Variants in PCDHGB1 observed in about 807,000 individuals in gnomAD.
PCDHGB1 encodes the protein protocadherin gamma-B1.
A neutral mutation model predicts 56.6 loss-of-function variants in PCDHGB1; 34 were observed. That is an observed-to-expected ratio of 0.60 (90% confidence interval 0.46 to 0.80). The LOEUF is 0.80. Among genes scored for constraint, PCDHGB1 ranks in the 30% least tolerant of loss-of-function variants. The probability of loss-of-function intolerance (pLI) is 0.00; values close to 1 mark genes in which losing one functional copy is unlikely to be tolerated. For missense variants in PCDHGB1, 1,278 were observed against 1,204.6 expected (o/e 1.06, Z -0.90); for synonymous variants, 561 against 505.9 (o/e 1.11, Z -1.46).
At chr5:141,404,097 T>C in intron 1 of PCDHGB1, 1 of 1,613,584 alleles carries the variant, frequency 6.2e-7, no homozygotes, top group Non-Finnish European at 8.5e-7. Flanking sequence ...AATGGTCAAG[T>C]TGTCTGTTCT....
At chr5:141,374,158 G>T in intron 1 of PCDHGB1, 1 of 1,612,410 alleles carries the variant, frequency 6.2e-7, no homozygotes, top group Non-Finnish European at 8.5e-7. Flanking sequence ...CGCTGTGGGG[G>T]GCCGCGGCAG....
chr5:141,472,533 C>A (rs1200612581), intron 1 of PCDHGB1, among the ~76,000 whole-genome samples: 3 of 150,970 alleles, frequency 2.0e-5, no homozygotes, highest in African/African-American at 7.3e-5. Flanking sequence ...GAGTGAGACA[C>A]CATCTCAAGA....
Position 141,418,052 on chromosome 5 carries a change from G to A in PCDHGB1, c.2409+65383G>A, listed in dbSNP as rs202112422. 1.2e-3 allele frequency: 1,918 copies of A among 1,613,866 alleles called. 6 individuals are homozygous for A. Among genetic ancestry groups the A allele is most frequent in the East Asian group, 2.1e-3 (96 of 44,758 alleles). On this transcript the variant is annotated intron_variant, in intron 1 of 3. Coordinates refer to ENST00000523390, the MANE Select transcript of PCDHGB1 (RefSeq NM_018922.3). ...TAGTGTCCTGGATGTGTCGGCTCGC[G>A]AGCTGCGAGTGAGCGCGGAGAAGCT...
chr5:141,476,733 G>C lies in PCDHGB1; in HGVS notation c.2410-18074G>C, dbSNP rs373439335. On this transcript the variant is annotated intron_variant, in intron 1 of 3. Transcript: ENST00000523390. This position sits in a 1 kb window ranked among gnomAD's most constrained non-coding sequence, Gnocchi z 7.6. ...TTGGAGCGCGCCCTGGACCGAGAAC[G>C]GGAGCCTAGTCTCCAGTTAGTGCTG... 6.2e-6 allele frequency: 10 copies of C among 1,614,062 alleles called. No individual in the cohort carries two copies. The highest frequency in any genetic ancestry group is 2.2e-5 in the East Asian group (1 of 44,870).
chr5:141,398,890 G>A (rs763743728), intron 1 of PCDHGB1: 1 of 1,613,920 alleles, frequency 6.2e-7, no homozygotes, highest in East Asian at 2.2e-5. Context: ...TCGGGAAAAC[G>A]TGCCACCAGG....
chr5:141,450,489 CTGTT>C (rs1372781820), intron 1 of PCDHGB1, among the ~76,000 whole-genome samples: 4 of 150,280 alleles, frequency 2.7e-5, no homozygotes, highest in Non-Finnish European at 2.9e-5. Context: ...GTTTGTTTGT[CTGTT>C]TGTTTGTTTT....
intron 1 of PCDHGB1, chr5:141,356,634 C>A (rs750676193): frequency 4.3e-6 from 7 of 1,614,158 alleles, no homozygotes; most frequent in Non-Finnish European, 5.9e-6. Context: ...CTGCTCAAGA[C>A]CCTGACAGTG....
chr5:141,375,470 G>A (rs1771485342), intron 1 of PCDHGB1: 1 of 1,613,784 alleles, frequency 6.2e-7, no homozygotes, highest in Admixed American at 1.7e-5. Flanking sequence ...CTATGTCCTT[G>A]AAAACAACCC....
chr5:141,478,315 A>G, intron 1 of PCDHGB1: 1 of 1,613,998 alleles, frequency 6.2e-7, no homozygotes, highest in Non-Finnish European at 8.5e-7. Flanking sequence ...CGGTGAGCTC[A>G]CTGTACCGAA....
Position 141,486,785 on chromosome 5 carries a change from C to G in PCDHGB1, c.2410-8022C>G, listed in dbSNP as rs763174232. The G allele has an allele frequency of 2.8e-5, 45 of 1,614,102 alleles. No homozygotes were observed. The highest frequency in any genetic ancestry group is 3.6e-5 in the Non-Finnish European group (42 of 1,180,050). On this transcript the variant is annotated intron_variant, in intron 1 of 3. Coordinates refer to ENST00000523390, the MANE Select transcript of PCDHGB1 (RefSeq NM_018922.3). The surrounding 1 kb of genome is among the most constrained non-coding windows in gnomAD (Gnocchi z 5.0). ...GACACTGCAGTTTGAGGTGCAGGCC[C>G]GGGATCGGGGCAACCCACCCCTTAG... is the stretch of plus-strand genomic sequence containing the variant.
intron 2 of PCDHGB1, among the ~76,000 whole-genome samples, chr5:141,504,960 T>C (rs9324851): frequency 0.59 from 89,328 of 151,916 alleles, 27,885 homozygotes; most frequent in African/African-American, 0.8. Context: ...TTCAATGCAT[T>C]GGACCAGCCT....
rs115568443 is a variant in PCDHGB1 at position 141,439,423 on chromosome 5, A to G, written c.2410-55384A>G. On this transcript the variant is annotated intron_variant, in intron 1 of 3. Coordinates refer to ENST00000523390, the MANE Select transcript of PCDHGB1 (RefSeq NM_018922.3). ...TGTGCTAACATCACTGAGGTTATAA[A>G]TTCCCAGGAATATTTTATTGCGGGA... 1.0e-2 allele frequency among the ~76,000 whole-genome samples: 1,522 copies of G among 152,306 alleles called. 34 individuals carry two copies. Among genetic ancestry groups the G allele is most frequent in the African/African-American group, 0.034 (1,425 of 41,558 alleles).
rs1408454981 is a variant in PCDHGB1, at chr5:141,489,682, T to C, written c.2410-5125T>C. The C allele has an allele frequency of 6.2e-7, 1 of 1,614,184 alleles. No individual in the cohort carries two copies. The highest frequency in any genetic ancestry group is 8.5e-7 in the Non-Finnish European group (1 of 1,180,024). On this transcript the variant is annotated intron_variant, in intron 1 of 3. Transcript: ENST00000523390. This position sits in a 1 kb window ranked among gnomAD's most constrained non-coding sequence, Gnocchi z 4.5. ...GATGCGCATCTCAGAATCAGCAGCATCTGGGGCACGATTCCCACTGGACAG... is the reference window on the plus strand; with the variant it reads ...GATGCGCATCTCAGAATCAGCAGCACCTGGGGCACGATTCCCACTGGACAG...
At position 141,431,134 on chromosome 5, in the gene PCDHGB1, C is replaced by T; in HGVS notation, c.2410-63673C>T. 1 of 1,614,212 alleles carries T rather than the reference C, an allele frequency of 6.2e-7. No homozygotes were observed. The highest frequency in any genetic ancestry group is 2.2e-5 in the East Asian group (1 of 44,890). On this transcript the variant is annotated intron_variant, in intron 1 of 3. Coordinates refer to ENST00000523390, the MANE Select transcript of PCDHGB1 (RefSeq NM_018922.3). This position sits in a 1 kb window ranked among gnomAD's most constrained non-coding sequence, Gnocchi z 4.8. ...ATGGAGTAGAAGTAGAAGTAAGGGA[C>T]ATTAACGACAATGCGCCTTACTTTC...
At chr5:141,440,617 C>T (rs1469883341) in intron 1 of PCDHGB1, 1 of 152,168 alleles carries the variant, frequency 6.6e-6, no homozygotes, top group East Asian at 1.9e-4. Context: ...TGCAGAAGAT[C>T]CTGATGTTGA....
At chr5:141,404,978 G>T (rs373968137) in intron 1 of PCDHGB1, 2 of 1,613,976 alleles carry the variant, frequency 1.2e-6, no homozygotes, top group Non-Finnish European at 8.5e-7. Flanking sequence ...GGCTGACCTG[G>T]GCAGTCTTCA....
chr5:141,395,310 A>T (rs752171326), intron 1 of PCDHGB1: 1 of 1,502,292 alleles, frequency 6.7e-7, no homozygotes, highest in African/African-American at 1.4e-5. Context: ...TTTGAAAAAC[A>T]TTGTGAAGAT....
chr5:141,400,798 A>G (rs2094077333), intron 1 of PCDHGB1: 2 of 559,100 alleles, frequency 3.6e-6, no homozygotes, highest in Non-Finnish European at 6.3e-6. Flanking sequence ...TCTTTCTCAA[A>G]GCTAATGAAT....
chr5:141,501,706 T>TA (rs2099810629), intron 2 of PCDHGB1, among the ~76,000 whole-genome samples: 1 of 152,094 alleles, frequency 6.6e-6, no homozygotes, highest in South Asian at 2.1e-4. Flanking sequence ...ATTCCGAGGA[T>TA]AAAAAAGACA....
Sources: allele counts gnomAD v4.1 joint callset (sites outside exome capture counted in the v4.1 genomes callset), GRCh38; gene constraint gnomAD v4.1.1; non-coding constraint Gnocchi (gnomAD v3.1); transcripts MANE v1.5; gene names NCBI Gene and HGNC (gene_info 2026-07-23, HGNC 2026-07-21).